Variants in NRXN3 observed in about 807,000 individuals in gnomAD.
The protein encoded by NRXN3 is neurexin III.
NRXN3 carries 32 observed loss-of-function variants against 137.6 expected under a neutral mutation model. The observed-to-expected ratio is 0.23, with a 90% CI of 0.18 to 0.31. The LOEUF is 0.31. NRXN3 is among the 10% of genes least tolerant of loss of function. NRXN3 has a pLI of 1.00. For missense variants in NRXN3, 1,574 were observed against 2,062.5 expected (o/e 0.76, Z 4.59); for synonymous variants, 798 against 784.5 (o/e 1.02, Z -0.29).
At chr14:79,771,513 A>G (rs1253576974) in intron 19 of NRXN3, among the ~76,000 whole-genome samples, 1 of 151,620 alleles carries the variant, frequency 6.6e-6, no homozygotes, top group Non-Finnish European at 1.5e-5. Flanking sequence ...AAACAGAACC[A>G]AAGACAAAAA....
chr14:79,768,606 A>C (rs1228295897), intron 19 of NRXN3, among the ~76,000 whole-genome samples: 1 of 152,210 alleles, frequency 6.6e-6, no homozygotes, highest in Non-Finnish European at 1.5e-5. Context: ...GGACATCCAC[A>C]CCAAAAACCC....
chr14:79,463,256 C>T (rs1160730965), intron 15 of NRXN3, among the ~76,000 whole-genome samples: 2 of 151,984 alleles, frequency 1.3e-5, no homozygotes, highest in East Asian at 3.9e-4. Context: ...TATAGGTCAC[C>T]CACTTAATTA....
chr14:78,650,317 G>A (rs1019674433), intron 5 of NRXN3, among the ~76,000 whole-genome samples: 9 of 152,020 alleles, frequency 5.9e-5, no homozygotes, highest in Admixed American at 5.2e-4. Flanking sequence ...GGGTGTATCG[G>A]TGTATGGTGT....
intron 15 of NRXN3, among the ~76,000 whole-genome samples, chr14:79,142,620 T>A (rs1378143675): frequency 1.8e-4 from 27 of 152,106 alleles, no homozygotes; most frequent in Non-Finnish European, 7.4e-5. Context: ...GGAGATAATT[T>A]GGTAGCATTT....
At chr14:78,191,764 C>T (rs964975435) in intron 1 of NRXN3, among the ~76,000 whole-genome samples, 7 of 152,140 alleles carry the variant, frequency 4.6e-5, no homozygotes, top group African/African-American at 1.4e-4. Context: ...CAAGCAGACC[C>T]CTAGGTCACT....
intron 10 of NRXN3, among the ~76,000 whole-genome samples, chr14:78,885,109 GAAATATATAAATATAAATTACATATATA>G (rs1246566207): frequency 7.4e-5 from 11 of 148,898 alleles, no homozygotes; most frequent in African/African-American, 2.2e-4. Context: ...GTCATAATGT[GAAATATATAAATATAAATTACATATATA>G]AAATATATAA....
chr14:79,721,160 A>C (rs2098843187), intron 19 of NRXN3, among the ~76,000 whole-genome samples: 1 of 152,194 alleles, frequency 6.6e-6, no homozygotes, highest in South Asian at 2.1e-4. Context: ...TTGCAGATAA[A>C]TTGTATTTTT....
At chr14:78,304,821 T>C (rs1316332898) in intron 4 of NRXN3, among the ~76,000 whole-genome samples, 2 of 152,068 alleles carry the variant, frequency 1.3e-5, no homozygotes, top group African/African-American at 4.8e-5. Context: ...AAGGCAGTAG[T>C]CTCCACTCTG....
At chr14:79,520,143 G>T (rs2097048787) in intron 16 of NRXN3, among the ~76,000 whole-genome samples, 1 of 151,940 alleles carries the variant, frequency 6.6e-6, no homozygotes, top group African/African-American at 2.4e-5. Flanking sequence ...TAAACAAAAA[G>T]GTCTTTTCTC....
At chr14:78,623,833 G>T (rs1290680678) in intron 4 of NRXN3, among the ~76,000 whole-genome samples, 1 of 152,186 alleles carries the variant, frequency 6.6e-6, no homozygotes, top group Non-Finnish European at 1.5e-5. Context: ...CTCCCAAAAT[G>T]TTGGGATTAC....
chr14:78,799,377 C>T (rs1172305198), intron 8 of NRXN3, among the ~76,000 whole-genome samples: 1 of 152,188 alleles, frequency 6.6e-6, no homozygotes, highest in East Asian at 1.9e-4. Flanking sequence ...ATCTTTACTC[C>T]AGTTCCCAAA....
chr14:78,781,492 C>T (rs953552053), intron 8 of NRXN3, among the ~76,000 whole-genome samples: 2 of 152,192 alleles, frequency 1.3e-5, no homozygotes, highest in Non-Finnish European at 2.9e-5. Flanking sequence ...GAACCAGCCT[C>T]ACTGAGATGT....
At chr14:79,330,526 G>T (rs2091525478) in intron 15 of NRXN3, among the ~76,000 whole-genome samples, 1 of 152,144 alleles carries the variant, frequency 6.6e-6, no homozygotes, top group African/African-American at 2.4e-5. Flanking sequence ...CAGAATTTTG[G>T]TCTATTTGAG....
chr14:79,067,709 C>A (rs2099682545), intron 15 of NRXN3, among the ~76,000 whole-genome samples: 2 of 151,970 alleles, frequency 1.3e-5, no homozygotes, highest in Admixed American at 1.3e-4. Context: ...GGAAGGCAAT[C>A]ATGTTGGATT....
Position 79,467,375 on chromosome 14 carries a change from A to T in NRXN3, c.3417A>T (p.Gly1139=). The T allele has an allele frequency of 1.2e-6, 2 of 1,608,300 alleles. No individual in the cohort carries two copies. The highest frequency in any genetic ancestry group is 1.7e-6 in the Non-Finnish European group (2 of 1,175,234). Residue 1139 remains glycine, a synonymous_variant, in exon 16 of 21, where the codon GGA becomes GGT. Coordinates refer to ENST00000335750, the MANE Select transcript of NRXN3 (RefSeq NM_001330195.2). ...TGGTCCGCATCGACAGTGCTCCAGGACTTGGTGACTTCCTCCAGCTTCACA... is the reference window on the plus strand; with the variant it reads ...TGGTCCGCATCGACAGTGCTCCAGGTCTTGGTGACTTCCTCCAGCTTCACA... ...GILVRIDSAP[G]LGDFLQLHIE...
At chr14:78,372,177 T>TAAA (rs1477230321) in intron 4 of NRXN3, among the ~76,000 whole-genome samples, 226 of 151,466 alleles carry the variant, frequency 1.5e-3, no homozygotes, top group African/African-American at 4.1e-3. Flanking sequence ...AAAAAAAAAT[T>TAAA]TTTACCAGAA....
At chr14:79,244,011 C>A (rs1380643505) in intron 15 of NRXN3, among the ~76,000 whole-genome samples, 1 of 152,144 alleles carries the variant, frequency 6.6e-6, no homozygotes, top group East Asian at 1.9e-4. Flanking sequence ...GCTACTTGTT[C>A]TTCAAGGACC....
intron 20 of NRXN3, among the ~76,000 whole-genome samples, chr14:79,847,785 G>T (rs920207101): frequency 6.6e-6 from 1 of 152,106 alleles, no homozygotes; most frequent in African/African-American, 2.4e-5. Context: ...AAGGAACAGA[G>T]GGTCAAGGTA....
chr14:78,172,859 C>T (rs553881539), intron 1 of NRXN3, among the ~76,000 whole-genome samples: 5 of 152,122 alleles, frequency 3.3e-5, no homozygotes, highest in African/African-American at 9.7e-5. Context: ...GAGACAGCTA[C>T]GTCTTTGCTT....
Sources: allele counts gnomAD v4.1 joint callset (sites outside exome capture counted in the v4.1 genomes callset), GRCh38; gene constraint gnomAD v4.1.1; transcripts MANE v1.5; gene names NCBI Gene and HGNC (gene_info 2026-07-23, HGNC 2026-07-21).